PAN3: variants seen among roughly 807,000 people sequenced by gnomAD.
The protein encoded by PAN3 is poly(A) specific ribonuclease subunit PAN3.
Under a neutral mutation model 96.2 loss-of-function variants are expected in PAN3, and 19 were observed. The observed-to-expected ratio is 0.20, with a 90% CI of 0.14 to 0.29. The LOEUF (loss-of-function observed/expected upper bound fraction) is 0.29, where lower values mean the gene tolerates loss of function less well. Among genes scored for constraint, PAN3 ranks in the 10% least tolerant of loss-of-function variants. PAN3 has a pLI of 1.00. For missense variants in PAN3, 882 were observed against 1,108.1 expected, an observed-to-expected ratio of 0.80 and a Z score of 2.90; for synonymous variants, 433 against 406.6, an observed-to-expected ratio of 1.06 and a Z score of -0.78.
At chr13:28,191,274 A>G (rs1013551748) in intron 4 of PAN3, among the ~76,000 whole-genome samples, 2 of 152,206 alleles carry the variant, frequency 1.3e-5, no homozygotes, top group Non-Finnish European at 2.9e-5. Context: ...TTAATCACCA[A>G]TAGTGGTTTT....
At chr13:28,188,083 G>A (rs921199261) in intron 4 of PAN3, among the ~76,000 whole-genome samples, 1 of 152,162 alleles carries the variant, frequency 6.6e-6, no homozygotes, top group Non-Finnish European at 1.5e-5. Flanking sequence ...GTATACAAAT[G>A]TGAAATATCT....
At chr13:28,164,557 T>TC (rs1418641591) in intron 1 of PAN3, among the ~76,000 whole-genome samples, 1 of 152,216 alleles carries the variant, frequency 6.6e-6, no homozygotes, top group Non-Finnish European at 1.5e-5. Context: ...CTGAAGATGT[T>TC]CCATGTAGAA....
At chr13:28,248,333 G>T (rs1884403736) in intron 6 of PAN3, among the ~76,000 whole-genome samples, 1 of 152,028 alleles carries the variant, frequency 6.6e-6, no homozygotes, top group South Asian at 2.1e-4. Flanking sequence ...GTCTTTTGGT[G>T]TTTCTAAATA....
intron 5 of PAN3, among the ~76,000 whole-genome samples, chr13:28,198,271 CAG>C (rs1878301490): frequency 6.8e-6 from 1 of 147,538 alleles, no homozygotes; most frequent in Non-Finnish European, 1.5e-5. Context: ...GCCTGGGCAA[CAG>C]AGCGAGATTC....
At chr13:28,141,933 G>C (rs1371866323) in intron 1 of PAN3, among the ~76,000 whole-genome samples, 1 of 152,200 alleles carries the variant, frequency 6.6e-6, no homozygotes, top group Admixed American at 6.5e-5. Flanking sequence ...ATAGGGACTC[G>C]AGAGGACAGG....
In PAN3 at chr13:28,189,537, A is replaced by C. The variant is rs568337071; in HGVS notation, c.691-7648A>C. Among the ~76,000 whole-genome samples, 1,043 of 142,982 alleles carry C rather than the reference A, an allele frequency of 7.3e-3. 11 individuals carry two copies. The highest frequency in any genetic ancestry group is 0.025 in the African/African-American group (1,008 of 39,576). 93.8% of individuals were successfully genotyped at this position (142,982 alleles called of 152,430 possible). A position where few individuals can be genotyped will look rare whatever the true frequency, so the allele number is the denominator to read the frequency against. ...GTCTCAAAACAAAAAAACAAAACAA[A>C]ACAAAAAAACTCTCAGTGTTAAGAT... is the stretch of plus-strand genomic sequence containing the variant. On this transcript the variant is annotated intron_variant, in intron 4 of 18. Transcript: ENST00000380958.
At chr13:28,170,620 C>G (rs1566154919) in intron 1 of PAN3, among the ~76,000 whole-genome samples, 1 of 152,096 alleles carries the variant, frequency 6.6e-6, no homozygotes, top group East Asian at 1.9e-4. Context: ...GAATTGTACT[C>G]TATTTTGGAG....
chr13:28,159,333 A>G (rs137996380), intron 1 of PAN3, among the ~76,000 whole-genome samples: 287 of 152,340 alleles, frequency 1.9e-3, no homozygotes, highest in African/African-American at 6.5e-3. Context: ...TCATTATCCT[A>G]GATGAACTAA....
chr13:28,169,856 G>C (rs984594076), intron 1 of PAN3, among the ~76,000 whole-genome samples: 1 of 151,886 alleles, frequency 6.6e-6, no homozygotes, highest in African/African-American at 2.4e-5. Context: ...AGACCAGCCT[G>C]GCCAAGATGG....
At chr13:28,223,586 G>A (rs569775853) in intron 6 of PAN3, among the ~76,000 whole-genome samples, 9 of 150,922 alleles carry the variant, frequency 6.0e-5, no homozygotes, top group Non-Finnish European at 8.8e-5. Context: ...TTTTTGAGAC[G>A]GAGTTTTGCT....
At chr13:28,208,740 T>C (rs1248390071) in intron 5 of PAN3, among the ~76,000 whole-genome samples, 1 of 152,194 alleles carries the variant, frequency 6.6e-6, no homozygotes, top group Non-Finnish European at 1.5e-5. Flanking sequence ...TATTTTTAAG[T>C]GTCTTCTATT....
chr13:28,139,551 T>TGTGTGTGTG (rs60579592), intron 1 of PAN3, among the ~76,000 whole-genome samples: 7 of 86,996 alleles, frequency 8.0e-5, no homozygotes, highest in South Asian at 3.4e-4. Flanking sequence ...TGTGTGTGTG[T>TGTGTGTGTG]AGGGGGCGGG....
Position 28,244,737 on chromosome 13 carries a change from C to T in PAN3, c.1001-11555C>T, listed in dbSNP as rs375321467. Reference sequence around the variant, plus strand: ...TCTTTTAAATTTTCTGCAATTTCATCCTTAATTGTTTTTCTTTTCTTCAGT... The same window carrying T: ...TCTTTTAAATTTTCTGCAATTTCATTCTTAATTGTTTTTCTTTTCTTCAGT... On this transcript the variant is annotated intron_variant, in intron 6 of 18. Coordinates refer to ENST00000380958, the MANE Select transcript of PAN3 (RefSeq NM_175854.8). Among the ~76,000 whole-genome samples the T allele has an allele frequency of 2.9e-4, 31 of 106,940 alleles. No individual in the cohort carries two copies. The East Asian group carries it at 3.6e-3, about 13-fold the overall frequency. 70.2% of individuals were successfully genotyped at this position (106,940 alleles called of 152,430 possible).
intron 1 of PAN3, among the ~76,000 whole-genome samples, chr13:28,164,239 T>A (rs372708634): frequency 2.6e-5 from 4 of 152,360 alleles, no homozygotes; most frequent in African/African-American, 9.6e-5. Flanking sequence ...TAACTCTTAA[T>A]TGAAGTTTTC....
intron 6 of PAN3, among the ~76,000 whole-genome samples, chr13:28,245,111 C>T (rs1376108415): frequency 3.3e-5 from 5 of 152,056 alleles, no homozygotes; most frequent in African/African-American, 7.2e-5. Context: ...CCTCCCAAAG[C>T]GCCGGGATTA....
intron 14 of PAN3, among the ~76,000 whole-genome samples, chr13:28,272,620 A>G (rs2138677241): frequency 6.7e-6 from 1 of 148,794 alleles, no homozygotes; most frequent in African/African-American, 2.5e-5. Flanking sequence ...CCCAGACTGG[A>G]GTGCAATGGC....
intron 5 of PAN3, among the ~76,000 whole-genome samples, chr13:28,218,638 C>T (rs1450789140): frequency 3.3e-5 from 5 of 152,132 alleles, no homozygotes; most frequent in African/African-American, 9.6e-5. Flanking sequence ...TGGACCTTCC[C>T]CTCTTTTTTC....
chr13:28,190,886 G>T (rs74791866), intron 4 of PAN3, among the ~76,000 whole-genome samples: 1,557 of 152,294 alleles, frequency 0.01, 25 homozygotes, highest in African/African-American at 0.035. Context: ...AGGGGATTGG[G>T]AATTTTGTTA....
At chr13:28,145,056 C>G (rs1870447078) in intron 1 of PAN3, among the ~76,000 whole-genome samples, 1 of 151,998 alleles carries the variant, frequency 6.6e-6, no homozygotes, top group African/African-American at 2.4e-5. Context: ...AGGAATTTTT[C>G]CCCCAATTTT....
Sources: allele counts gnomAD v4.1 joint callset (sites outside exome capture counted in the v4.1 genomes callset), GRCh38; gene constraint gnomAD v4.1.1; transcripts MANE v1.5; gene names NCBI Gene and HGNC (gene_info 2026-07-23, HGNC 2026-07-21).